WDFY3: variants seen among roughly 807,000 people sequenced by gnomAD.
The protein encoded by WDFY3 is WD repeat and FYVE domain-containing protein 3.
A neutral mutation model predicts 409.6 loss-of-function variants in WDFY3; 66 were observed. The observed-to-expected ratio is 0.16, with a 90% CI of 0.13 to 0.20. WDFY3 has a LOEUF of 0.20. Ranked by LOEUF, WDFY3 falls within the 10% of genes least tolerant of loss-of-function variation. WDFY3 has a pLI of 1.00. For synonymous variants in WDFY3, 1,521 were observed against 1,537.1 expected (o/e 0.99, Z 0.25); for missense variants, 3,031 against 4,298.1 (o/e 0.71, Z 8.24).
intron 19 of WDFY3, among the ~76,000 whole-genome samples, chr4:84,795,592 T>A (rs914407066): frequency 6.6e-6 from 1 of 152,044 alleles, no homozygotes; most frequent in Non-Finnish European, 1.5e-5. Flanking sequence ...CGAAACCCCA[T>A]CTCCACTAAA....
At chr4:84,717,696 C>T (rs1375068718) in intron 48 of WDFY3, among the ~76,000 whole-genome samples, 1 of 152,154 alleles carries the variant, frequency 6.6e-6, no homozygotes, top group Non-Finnish European at 1.5e-5. Flanking sequence ...ACAACTCAGT[C>T]AGTAAATCTC....
At chr4:84,679,364 G>T in intron 64 of WDFY3, 122 bp from the exon 65 acceptor site, 1 of 1,020,748 alleles carries the variant, frequency 9.8e-7, no homozygotes, top group Non-Finnish European at 1.3e-6. Context: ...TTTAAGCTAA[G>T]TGTAACAAAA....
At chr4:84,750,355 T>G (rs187145310) in intron 36 of WDFY3, among the ~76,000 whole-genome samples, 54 of 152,238 alleles carry the variant, frequency 3.5e-4, no homozygotes, top group African/African-American at 1.3e-3. Flanking sequence ...CCTAATTACA[T>G]TAGTGATTTT....
chr4:84,861,563 T>A (rs908464775), intron 3 of WDFY3, among the ~76,000 whole-genome samples: 2 of 152,150 alleles, frequency 1.3e-5, no homozygotes, highest in Non-Finnish European at 2.9e-5. Flanking sequence ...AACTATAGTT[T>A]GGTAAGTCAT....
chr4:84,956,309 G>A (rs1424574557), intron 1 of WDFY3, among the ~76,000 whole-genome samples: 1 of 152,170 alleles, frequency 6.6e-6, no homozygotes, highest in Non-Finnish European at 1.5e-5. Context: ...GAAGAAAGCT[G>A]AAAGAATCCA....
chr4:84,732,750 C>T (rs947070952), intron 44 of WDFY3, among the ~76,000 whole-genome samples: 1 of 152,064 alleles, frequency 6.6e-6, no homozygotes, highest in Non-Finnish European at 1.5e-5. Flanking sequence ...TATGTATACA[C>T]AGCATATTTT....
At position 84,741,789 on chromosome 4, in the gene WDFY3, A is replaced by G. The variant is rs749310410; in HGVS notation, c.6206T>C (p.Ile2069Thr). ...TGCAATTAGTTGAATTATAAAATCT[A>G]TAAGAAGTTTAGATTCTTTGTTGAA... ...GMFNKESKLLIDFIIQLIAQS... is the reference protein window; with the variant it reads ...GMFNKESKLLTDFIIQLIAQS... Residue 2069 changes from isoleucine to threonine, a missense_variant, in exon 38 of 68, where the codon ATA becomes ACA. This residue lies in a region of WDFY3 where 314 missense variants were observed against 397.4 expected (regional missense o/e 0.79). Coordinates refer to ENST00000295888, the MANE Select transcript of WDFY3 (RefSeq NM_014991.6). The G allele has an allele frequency of 2.5e-6, 4 of 1,612,264 alleles. No homozygotes were observed. The South Asian group carries it at 4.4e-5, about 18-fold the overall frequency.
At chr4:84,677,113 G>T in intron 67 of WDFY3, 86 bp downstream of exon 67, 1 of 1,515,194 alleles carries the variant, frequency 6.6e-7, no homozygotes, top group South Asian at 1.2e-5. Flanking sequence ...GGGACGCCAG[G>T]GCAAATCAGA....
intron 3 of WDFY3, among the ~76,000 whole-genome samples, chr4:84,872,195 G>A (rs1171840238): frequency 1.3e-5 from 2 of 151,940 alleles, no homozygotes; most frequent in African/African-American, 2.4e-5. Flanking sequence ...TGCCAGGCGC[G>A]GTGGCTCATT....
chr4:84,847,009 C>T (rs1758156317), intron 5 of WDFY3, among the ~76,000 whole-genome samples: 2 of 151,870 alleles, frequency 1.3e-5, no homozygotes, highest in Non-Finnish European at 2.9e-5. Context: ...CTATGTGGGC[C>T]CTAGACCAGA....
intron 32 of WDFY3, among the ~76,000 whole-genome samples, chr4:84,762,953 T>TA (rs959433723): frequency 6.0e-4 from 90 of 151,174 alleles, no homozygotes; most frequent in Admixed American, 1.9e-3. Flanking sequence ...CTCTAAAAAA[T>TA]AAAAAAAATT....
chr4:84,944,461 G>A (rs1772551829), intron 1 of WDFY3, among the ~76,000 whole-genome samples: 2 of 152,112 alleles, frequency 1.3e-5, no homozygotes, highest in African/African-American at 4.8e-5. Context: ...GAACCTTGAG[G>A]GAGGAGACTG....
chr4:84,767,925 A>T (rs1464543161), intron 30 of WDFY3, among the ~76,000 whole-genome samples: 2 of 152,150 alleles, frequency 1.3e-5, no homozygotes, highest in Non-Finnish European at 2.9e-5. Flanking sequence ...CTCTAAAAAA[A>T]TGAAGAAATG....
At position 84,810,213 on chromosome 4, in the gene WDFY3, C is replaced by T; in HGVS notation, c.2019G>A (p.Trp673Ter). Residue 673 changes from tryptophan (W) to a stop codon, truncating the protein, a stop_gained, in exon 14 of 68, where the codon TGG becomes TGA. Coordinates refer to ENST00000295888, the MANE Select transcript of WDFY3 (RefSeq NM_014991.6). LOFTEE classifies it high-confidence loss of function. ...ACACTTGATTCTGGTTCACTTTCTC[C>T]CAGCCATTCTTGGGTGGACAGCTCA... Reference protein sequence around the residue: ...RSLSCPPKNGWEKVNQNQVFE... With the variant: ...RSLSCPPKNG 6.2e-7 allele frequency: 1 copy of T among 1,614,094 alleles called. No individual in the cohort carries two copies.
chr4:84,841,766 C>T (rs928625246), intron 5 of WDFY3, among the ~76,000 whole-genome samples: 6 of 152,054 alleles, frequency 3.9e-5, no homozygotes, highest in South Asian at 4.1e-4. Flanking sequence ...TGCCTAATTA[C>T]GAAGGAGGGT....
chr4:84,861,141 G>A (rs1760570521), intron 3 of WDFY3, among the ~76,000 whole-genome samples: 3 of 152,146 alleles, frequency 2.0e-5, no homozygotes, highest in African/African-American at 4.8e-5. Flanking sequence ...AGCCTGAGAG[G>A]TTAAGGCTGC....
intron 3 of WDFY3, among the ~76,000 whole-genome samples, chr4:84,874,892 A>G (rs1240030629): frequency 6.6e-6 from 1 of 152,164 alleles, no homozygotes; most frequent in East Asian, 1.9e-4. Context: ...CTACAAACCT[A>G]GGCTATATGG....
intron 65 of WDFY3, 86 bp downstream of exon 65, chr4:84,678,833 A>C: frequency 6.9e-7 from 1 of 1,442,446 alleles, no homozygotes; most frequent in Non-Finnish European, 9.4e-7. Context: ...GGTGGGGCCC[A>C]GGGAGAGCTA....
chr4:84,944,388 T>C (rs1379455375), intron 1 of WDFY3, among the ~76,000 whole-genome samples: 2 of 151,912 alleles, frequency 1.3e-5, no homozygotes, highest in Non-Finnish European at 2.9e-5. Context: ...AAAAATTAGC[T>C]GGGCATGGTG....
Sources: gnomAD v4.1 joint callset for allele counts (sites outside exome capture counted in the v4.1 genomes callset) on GRCh38, gnomAD v4.1.1 for gene constraint, gnomAD v4.1.1 regional missense constraint, MANE v1.5 for transcripts, NCBI Gene and HGNC (gene_info 2026-07-23, HGNC 2026-07-21) for gene names.